PTP4A1: variants seen among roughly 807,000 people sequenced by gnomAD.
PTP4A1 encodes the protein protein tyrosine phosphatase 4A1.
In PTP4A1, 9 loss-of-function variants were observed where a neutral mutation model predicts 20.5. That is an observed-to-expected ratio of 0.44 (90% CI 0.26 to 0.77). The LOEUF is 0.77. Among genes scored for constraint, PTP4A1 ranks in the 30% least tolerant of loss-of-function variants. PTP4A1 has a pLI of 0.19. For missense variants in PTP4A1, 137 were observed against 218.8 expected (o/e 0.63, Z 2.36); for synonymous variants, 78 against 67.4 (o/e 1.16, Z -0.77).
upstream of PTP4A1, among the ~76,000 whole-genome samples, chr6:63,570,468 A>G (rs373274477): frequency 6.8e-4 from 104 of 152,272 alleles, no homozygotes; most frequent in Middle Eastern, 3.4e-3. Context: ...GCCACTTGAG[A>G]ATTTGAGAGC....
intron 2 of PTP4A1, among the ~76,000 whole-genome samples, chr6:63,529,481 C>G (rs1775358815): frequency 2.0e-5 from 3 of 152,038 alleles, no homozygotes. Flanking sequence ...CCTCCTTCAC[C>G]CCTCCCTTGC....
rs1210950872 is a variant in PTP4A1, at chr6:63,581,494, A to G, written c.*1320A>G. ...TGCTTAAAATTAACTTATTTTGTAG[A>G]AGACAAAATGAATTGCACTTCACTT... On this transcript the variant is annotated 3_prime_UTR_variant, in exon 6 of 6. Coordinates refer to ENST00000626021, the MANE Select transcript of PTP4A1 (RefSeq NM_003463.5). The G allele has an allele frequency of 6.6e-6, 1 of 152,524 alleles. No homozygotes were observed. The highest frequency in any genetic ancestry group is 2.4e-5 in the African/African-American group (1 of 41,448). The allele number at this position is 152,524 out of a possible 1,614,324, so 9.4% of individuals were successfully genotyped here.
upstream of PTP4A1, among the ~76,000 whole-genome samples, chr6:63,520,091 TCAAA>T (rs1774866856): frequency 6.6e-6 from 1 of 152,224 alleles, no homozygotes; most frequent in Non-Finnish European, 1.5e-5. Context: ...AACATAATTA[TCAAA>T]CAAAAACTAA....
At chr6:63,532,368 C>T (rs1472032392) in intron 2 of PTP4A1, among the ~76,000 whole-genome samples, 3 of 152,048 alleles carry the variant, frequency 2.0e-5, no homozygotes, top group South Asian at 4.2e-4. Context: ...GGATTCATAC[C>T]TCTCAAATCT....
chr6:63,552,131 A>G (rs954420024), intron 3 of PTP4A1, among the ~76,000 whole-genome samples: 3 of 152,298 alleles, frequency 2.0e-5, no homozygotes, highest in Admixed American at 6.5e-5. Flanking sequence ...GACTTCCACA[A>G]TGGTTGAACT....
chr6:63,537,757 A>G (rs567344212), intron 2 of PTP4A1, among the ~76,000 whole-genome samples: 1 of 152,330 alleles, frequency 6.6e-6, no homozygotes, highest in African/African-American at 2.4e-5. Context: ...TAGGGACCCT[A>G]CAGTTTAATT....
At chr6:63,561,407 A>G (rs971800926) in intron 3 of PTP4A1, among the ~76,000 whole-genome samples, 13 of 152,328 alleles carry the variant, frequency 8.5e-5, no homozygotes, top group African/African-American at 3.1e-4. Context: ...TATTTCTACA[A>G]CAACCAGCAC....
At chr6:63,544,060 A>G (rs1343954993) in intron 2 of PTP4A1, among the ~76,000 whole-genome samples, 1 of 152,134 alleles carries the variant, frequency 6.6e-6, no homozygotes, top group East Asian at 1.9e-4. Context: ...TATTTCATGT[A>G]GAGGAGTTTC....
intron 2 of PTP4A1, among the ~76,000 whole-genome samples, chr6:63,549,817 G>A (rs1776356884): frequency 6.6e-6 from 1 of 152,100 alleles, no homozygotes; most frequent in South Asian, 2.1e-4. Context: ...GAAGGGTAGA[G>A]GGAAGAGGAA....
At chr6:63,555,420 A>G (rs537719332) in intron 3 of PTP4A1, among the ~76,000 whole-genome samples, 1 of 152,366 alleles carries the variant, frequency 6.6e-6, no homozygotes, top group African/African-American at 2.4e-5. Flanking sequence ...CTGATGGCCA[A>G]AAAGTATCTC....
chr6:63,545,782 C>G (rs1391242393), intron 2 of PTP4A1, among the ~76,000 whole-genome samples: 1 of 152,044 alleles, frequency 6.6e-6, no homozygotes, highest in Admixed American at 6.6e-5. Context: ...ATCCAATACT[C>G]TGAGATTCAT....
intron 1 of PTP4A1, among the ~76,000 whole-genome samples, chr6:63,572,973 C>T (rs1450334326): frequency 6.6e-6 from 1 of 152,212 alleles, no homozygotes; most frequent in East Asian, 1.9e-4. Flanking sequence ...GCTTTTGAGT[C>T]CCTCCCGAGC....
In PTP4A1 at chr6:63,581,964, TTATAAA is replaced by T. The variant is rs953295725; in HGVS notation, c.*1792_*1797del. On this transcript the variant is annotated 3_prime_UTR_variant, in exon 6 of 6. Transcript: ENST00000626021. ...TTGTCTAATTTTTTTTGAATAGCAGTTATAAATGTAAAGGACTCAAAGTTTAAGTAA... is the reference window on the plus strand; with the variant it reads ...TTGTCTAATTTTTTTTGAATAGCAGTTGTAAAGGACTCAAAGTTTAAGTAA... 1.3e-5 allele frequency: 2 copies of T among 152,168 alleles called. No homozygotes were observed. Among genetic ancestry groups the T allele is most frequent in the African/African-American group, 4.8e-5 (2 of 41,452 alleles). 9.4% of individuals were successfully genotyped at this position (152,168 alleles called of 1,614,324 possible).
At chr6:63,553,496 T>C (rs1776538586) in intron 3 of PTP4A1, among the ~76,000 whole-genome samples, 1 of 152,210 alleles carries the variant, frequency 6.6e-6, no homozygotes, top group African/African-American at 2.4e-5. Context: ...CAAGACAGGT[T>C]AATGAAAGCC....
chr6:63,524,021 G>A (rs976968934), intron 1 of PTP4A1, among the ~76,000 whole-genome samples: 8 of 151,370 alleles, frequency 5.3e-5, no homozygotes, highest in Admixed American at 2.0e-4. Flanking sequence ...TTGCTCTGTC[G>A]CCCAGGCTGG....
chr6:63,570,062 C>T (rs985567980), upstream of PTP4A1, among the ~76,000 whole-genome samples: 4 of 152,218 alleles, frequency 2.6e-5, no homozygotes, highest in African/African-American at 7.2e-5. Context: ...AGCAAGACCA[C>T]ACTTATATCT....
upstream of PTP4A1, among the ~76,000 whole-genome samples, chr6:63,517,247 C>T (rs1774761524): frequency 6.6e-6 from 1 of 151,972 alleles, no homozygotes; most frequent in South Asian, 2.1e-4. Context: ...CATTAAAGAA[C>T]TATAAGGGTG....
upstream of PTP4A1, among the ~76,000 whole-genome samples, chr6:63,568,647 C>T (rs1345595734): frequency 6.7e-6 from 1 of 149,606 alleles, no homozygotes; most frequent in Admixed American, 6.6e-5. Context: ...TGTCACAAAC[C>T]ATCATTTTGT....
intron 2 of PTP4A1, among the ~76,000 whole-genome samples, chr6:63,545,971 T>G (rs1776164855): frequency 6.6e-6 from 1 of 152,186 alleles, no homozygotes; most frequent in South Asian, 2.1e-4. Context: ...TTTCAGAGTT[T>G]TAAAAATATT....
Sources: gnomAD v4.1 joint callset for allele counts (sites outside exome capture counted in the v4.1 genomes callset) on GRCh38, gnomAD v4.1.1 for gene constraint, MANE v1.5 for transcripts, NCBI Gene and HGNC (gene_info 2026-07-23, HGNC 2026-07-21) for gene names.